METTL13: variants seen among roughly 807,000 people sequenced by gnomAD.
The protein encoded by METTL13 is eEF1A lysine and N-terminal methyltransferase.
A neutral mutation model predicts 67.4 loss-of-function variants in METTL13; 52 were observed. That is an observed-to-expected ratio of 0.77 (90% CI 0.62 to 0.97). The LOEUF is 0.97. Ranked by LOEUF, METTL13 falls within the 50% of genes least tolerant of loss-of-function variation. METTL13 has a pLI of 0.00. For synonymous variants in METTL13, 354 were observed against 353.6 expected (o/e 1.00, Z -0.01); for missense variants, 825 against 889.6 (o/e 0.93, Z 0.92).
chr1:171,795,521 G>A (rs763277757), intron 7 of METTL13, among the ~76,000 whole-genome samples: 5 of 152,298 alleles, frequency 3.3e-5, no homozygotes, highest in Admixed American at 1.3e-4. Flanking sequence ...TCCTACACGT[G>A]CTCTACTAGG....
At position 171,782,054 on chromosome 1, in the gene METTL13, C is replaced by T. The variant is rs754243251; in HGVS notation, c.87C>T (p.Phe29=). The change falls in exon 1 of 8, where the codon TTC becomes TTT. Residue 29 remains phenylalanine, a synonymous_variant. Transcript: ENST00000361735. ...KFFQQRGKKA[F]EWYGTYLELC... ...TCCAGCAGCGAGGAAAGAAAGCTTTCGAGTGGTATGGAACCTACCTGGAAC... is the reference window on the plus strand; with the variant it reads ...TCCAGCAGCGAGGAAAGAAAGCTTTTGAGTGGTATGGAACCTACCTGGAAC... 2 of 1,614,058 alleles carry T rather than the reference C, an allele frequency of 1.2e-6. No individual in the cohort carries two copies. The highest frequency in any genetic ancestry group is 1.7e-5 in the Admixed American group (1 of 60,006).
At chr1:171,786,670 T>A (rs1208268505) in intron 3 of METTL13, among the ~76,000 whole-genome samples, 1 of 152,092 alleles carries the variant, frequency 6.6e-6, no homozygotes, top group Non-Finnish European at 1.5e-5. Context: ...TTTTTTTCTT[T>A]TTTGAGATAG....
Position 171,783,977 on chromosome 1 carries a change from G to T in METTL13, c.391G>T (p.Glu131Ter). The change falls in exon 2 of 8, where the codon GAG (glutamate) becomes TAG (stop). Residue 131 changes from glutamate to a stop codon, truncating the protein, a stop_gained. Coordinates refer to ENST00000361735, the MANE Select transcript of METTL13 (RefSeq NM_015935.5). LOFTEE classifies it high-confidence loss of function. ...CACCCTGGATGCTGTCCTGACAGAT[G>T]AGGAAGAGAAGACCTTACAACAGGT... ...KGTLDAVLTD[E>*]EEKTLQQVDR... 1.2e-6 allele frequency: 2 copies of T among 1,614,254 alleles called. No homozygotes were observed. Among genetic ancestry groups the T allele is most frequent in the Non-Finnish European group, 1.7e-6 (2 of 1,180,044 alleles).
rs765054734 is a variant in METTL13 at position 171,787,751 on chromosome 1, T to G, written c.1130T>G (p.Val377Gly). 66 of 1,612,566 alleles carry G rather than the reference T, an allele frequency of 4.1e-5. No individual in the cohort carries two copies. Among genetic ancestry groups the G allele is most frequent in the Non-Finnish European group, 5.0e-5 (59 of 1,178,830 alleles). The change falls in exon 4 of 8, where the codon GTG (valine) becomes GGG (glycine). Residue 377 changes from valine (V) to glycine (G), a missense_variant. By Grantham distance (109) the Val-to-Gly change is moderately radical. Transcript: ENST00000361735. The stretch of plus-strand genomic sequence containing the variant: ...TACCTTCAGGTCCCCTTTCTGTCTG[T>G]GGGTGGGGACATTGGGGTCCGGACC... The part of the protein sequence containing the change: ...PTQQQVPFLS[V>G]GGDIGVRTVQ...
Position 171,789,849 on chromosome 1 carries a change from A to AG in METTL13, c.1310-596dup, listed in dbSNP as rs369251334. 2.6e-3 allele frequency among the ~76,000 whole-genome samples: 279 copies of AG among 108,792 alleles called. 2 individuals carry two copies. Among genetic ancestry groups the AG allele is most frequent in the African/African-American group, 9.3e-3 (261 of 28,118 alleles). The allele number at this position is 108,792 out of a possible 152,430, so 71.4% of individuals were successfully genotyped here. A position where few individuals can be genotyped will look rare whatever the true frequency, so the allele number is the denominator to read the frequency against. On this transcript the variant is annotated intron_variant, in intron 4 of 7. Coordinates refer to ENST00000361735, the MANE Select transcript of METTL13 (RefSeq NM_015935.5). ...TGACTATGTCTTTGTGGGGCGGGGTAGGGGGGGCACATCCTAATTTATAGT... is the reference window on the plus strand; with the variant it reads ...TGACTATGTCTTTGTGGGGCGGGGTAGGGGGGGGCACATCCTAATTTATAGT...
Position 171,796,528 on chromosome 1 carries a change from C to A in METTL13, c.1872C>A (p.Asp624Glu). 6.2e-7 allele frequency: 1 copy of A among 1,614,186 alleles called. No individual in the cohort carries two copies. The highest frequency in any genetic ancestry group is 2.2e-5 in the East Asian group (1 of 44,880). Residue 624 changes from aspartate (D) to glutamate (E), a missense_variant, in exon 8 of 8, where the codon GAC (aspartate) becomes GAA (glutamate). By Grantham distance (45) the Asp-to-Glu change is conservative (BLOSUM62 2). Transcript: ENST00000361735. ...NLVCRDLGLK[D>E]SVLAGLKAVF... Reference sequence around the variant, plus strand: ...TGTGCCGAGACTTGGGGCTAAAAGACTCAGTGCTGGCTGGGCTCAAGGCAG... The same window carrying A: ...TGTGCCGAGACTTGGGGCTAAAAGAATCAGTGCTGGCTGGGCTCAAGGCAG...
chr1:171,785,212 A>G (rs1656970567), intron 2 of METTL13, among the ~76,000 whole-genome samples: 1 of 152,234 alleles, frequency 6.6e-6, no homozygotes, highest in South Asian at 2.1e-4. Context: ...TTATCTTAAT[A>G]AGGATAAAAA....
intron 4 of METTL13, among the ~76,000 whole-genome samples, chr1:171,788,648 T>C (rs1274364733): frequency 2.0e-5 from 3 of 152,182 alleles, no homozygotes; most frequent in Admixed American, 6.5e-5. Context: ...GTTTTACCTG[T>C]GTTAGTTTGT....
intron 6 of METTL13, 74 bp downstream of exon 6, chr1:171,792,309 T>C: frequency 6.6e-7 from 1 of 1,522,790 alleles, no homozygotes; most frequent in Non-Finnish European, 9.0e-7. Flanking sequence ...CAAGGGCCTC[T>C]ACAGTTTATC....
At chr1:171,794,707 C>G (rs1404106966) in intron 7 of METTL13, among the ~76,000 whole-genome samples, 180 bp downstream of exon 7, 1 of 152,252 alleles carries the variant, frequency 6.6e-6, no homozygotes, top group Non-Finnish European at 1.5e-5. Flanking sequence ...CTCTTATCCC[C>G]TTTCAGTAAC....
In METTL13 at chr1:171,790,680, T is replaced by G. The variant is rs1028871674; in HGVS notation, c.1474+64T>G. 4.1e-5 allele frequency: 57 copies of G among 1,376,062 alleles called. 1 individual carries two copies. The highest frequency in any genetic ancestry group is 2.2e-4 in the South Asian group (11 of 50,074). 85.2% of individuals were successfully genotyped at this position (1,376,062 alleles called of 1,614,324 possible). On this transcript the variant is annotated intron_variant, in intron 5 of 7. Coordinates refer to ENST00000361735, the MANE Select transcript of METTL13 (RefSeq NM_015935.5). Reference sequence around the variant, plus strand: ...AAAGATTACAGACCTAAACAATTGGTGTCACTTGCATTGTAGTTGAAGAAC... The same window carrying G: ...AAAGATTACAGACCTAAACAATTGGGGTCACTTGCATTGTAGTTGAAGAAC...
At position 171,786,034 on chromosome 1, in the gene METTL13, A is replaced by G. The variant is rs923452637; in HGVS notation, c.1069A>G (p.Arg357Gly). Residue 357 changes from arginine to glycine, a missense_variant, in exon 3 of 8, where the codon AGA becomes GGA. Coordinates refer to ENST00000361735, the MANE Select transcript of METTL13 (RefSeq NM_015935.5). ...MDHIQAELSA[R>G]VMELAPAGMP... is the part of the protein sequence containing the mutation. Reference sequence around the variant, plus strand: ...CCACATCCAAGCTGAGCTGTCGGCTAGAGTCATGGAGCTGGCCCCAGCTGG... The same window carrying G: ...CCACATCCAAGCTGAGCTGTCGGCTGGAGTCATGGAGCTGGCCCCAGCTGG... 6.2e-7 allele frequency: 1 copy of G among 1,613,940 alleles called. No homozygotes were observed.
In METTL13 at chr1:171,783,784, G is replaced by T; in HGVS notation, c.198G>T (p.Leu66=). The change falls in exon 2 of 8, where the codon CTG becomes CTT. Residue 66 remains leucine, a synonymous_variant. Transcript: ENST00000361735. ...GCAACTCAGAACTGAGTGAGCAACT[G>T]TATGATGTGGGCTATCGGGATATAG... ...GCGNSELSEQ[L]YDVGYRDIVN... 2 of 1,613,888 alleles carry T rather than the reference G, an allele frequency of 1.2e-6. No individual in the cohort carries two copies. The highest frequency in any genetic ancestry group is 1.7e-4 in the Middle Eastern group (1 of 6,060).
At chr1:171,793,517 G>T (rs1657272489) in intron 6 of METTL13, among the ~76,000 whole-genome samples, 1 of 152,156 alleles carries the variant, frequency 6.6e-6, no homozygotes, top group Non-Finnish European at 1.5e-5. Flanking sequence ...TGTTCTCTTT[G>T]TAAGAAACCA....
In METTL13 at chr1:171,783,898, C is replaced by T. The variant is rs112245487; in HGVS notation, c.312C>T (p.Asp104=). Residue 104 remains aspartate (D), a synonymous_variant, in exon 2 of 8, where the codon GAC becomes GAT. Coordinates refer to ENST00000361735, the MANE Select transcript of METTL13 (RefSeq NM_015935.5). ...CCCAGATGAGCTTCTTGAAGATGGA[C>T]ATGACGCAGATGGAGTTTCCTGATG... ...RRPQMSFLKM[D]MTQMEFPDAS... is the part of the protein sequence containing the mutation. 2.7e-5 allele frequency: 43 copies of T among 1,614,192 alleles called. No individual in the cohort carries two copies. The highest frequency in any genetic ancestry group is 1.9e-4 in the African/African-American group (14 of 75,038).
chr1:171,782,018 GGAGAAGTTCTTCC>G lies in METTL13; in HGVS notation c.52_64del (p.Glu18SerfsTer33). 6 of 1,614,138 alleles carry G rather than the reference GGAGAAGTTCTTCC, an allele frequency of 3.7e-6. No homozygotes were observed. The highest frequency in any genetic ancestry group is 5.1e-6 in the Non-Finnish European group (6 of 1,180,032). ...GGGAGTTTGGCTCCGTTGACTATTG[GGAGAAGTTCTTCC>G]AGCAGCGAGGAAAGAAAGCTTTCGA... is the stretch of plus-strand genomic sequence containing the variant. On this transcript the variant is annotated frameshift_variant, in exon 1 of 8. Coordinates refer to ENST00000361735, the MANE Select transcript of METTL13 (RefSeq NM_015935.5). LOFTEE classifies it high-confidence loss of function.
Position 171,792,177 on chromosome 1 carries a change from G to A in METTL13, c.1635G>A (p.Met545Ile). Residue 545 changes from methionine (M) to isoleucine (I), a missense_variant, in exon 6 of 8, where the codon ATG (methionine) becomes ATA (isoleucine). Transcript: ENST00000361735. ...QWFGFSQSDR[M>I]KVHIADGLDY... ...TTGGCTTCTCCCAGAGTGACCGAAT[G>A]AAGGTCCACATTGCAGATGGCCTGG... 6.2e-7 allele frequency: 1 copy of A among 1,614,236 alleles called. No individual in the cohort carries two copies. The highest frequency in any genetic ancestry group is 1.1e-5 in the South Asian group (1 of 91,080).
intron 5 of METTL13, among the ~76,000 whole-genome samples, chr1:171,791,663 C>T (rs1222838548): frequency 1.3e-5 from 2 of 152,006 alleles, no homozygotes; most frequent in Non-Finnish European, 2.9e-5. Flanking sequence ...AGGATTTTGC[C>T]ATGTTGCCCA....
At chr1:171,794,073 A>G (rs1657288383) in intron 6 of METTL13, among the ~76,000 whole-genome samples, 2 of 152,242 alleles carry the variant, frequency 1.3e-5, no homozygotes, top group Admixed American at 6.5e-5. Flanking sequence ...ATGTTCTGCC[A>G]CAGTCAAAAG....
Sources: gnomAD v4.1 joint callset for allele counts (sites outside exome capture counted in the v4.1 genomes callset) on GRCh38, gnomAD v4.1.1 for gene constraint, MANE v1.5 for transcripts, NCBI Gene and HGNC (gene_info 2026-07-23, HGNC 2026-07-21) for gene names.